UBR4: variants seen among roughly 807,000 people sequenced by gnomAD.
UBR4 encodes E3 ubiquitin-protein ligase UBR4.
Under a neutral mutation model 575.6 loss-of-function variants are expected in UBR4, and 124 were observed. The observed-to-expected ratio is 0.22, with a 90% CI of 0.19 to 0.25. The LOEUF (loss-of-function observed/expected upper bound fraction) is 0.25. Ranked by LOEUF, UBR4 falls within the 10% of genes least tolerant of loss-of-function variation. The pLI is 1.00. For missense variants in UBR4, 4,818 were observed against 6,478.8 expected, an observed-to-expected ratio of 0.74 and a Z score of 8.80; for synonymous variants, 2,455 against 2,473.7, an observed-to-expected ratio of 0.99 and a Z score of 0.22.
chr1:19,161,823 T>C lies in UBR4; in HGVS notation c.5027+4A>G. ...CTTCACCTTAAAGGAAGAACTACCCTTACCAATGCTGGTTCATGAATTCTT... is the reference window on the plus strand; with the variant it reads ...CTTCACCTTAAAGGAAGAACTACCCCTACCAATGCTGGTTCATGAATTCTT... On this transcript the variant is annotated splice_donor_region_variant and intron_variant, in intron 36 of 105. Coordinates refer to ENST00000375254, the MANE Select transcript of UBR4 (RefSeq NM_020765.3). 6.2e-7 allele frequency: 1 copy of C among 1,614,242 alleles called. No individual in the cohort carries two copies. Among genetic ancestry groups the C allele is most frequent in the Non-Finnish European group, 8.5e-7 (1 of 1,180,042 alleles).
chr1:19,207,767 AG>A (rs1378630562), intron 1 of UBR4, among the ~76,000 whole-genome samples: 1 of 152,084 alleles, frequency 6.6e-6, no homozygotes, highest in Admixed American at 6.5e-5. Flanking sequence ...TGTATGGCTA[AG>A]AGTGGTTGAA....
chr1:19,118,777 CT>C, intron 71 of UBR4, 94 bp downstream of exon 71: 1 of 1,293,968 alleles, frequency 7.7e-7, no homozygotes, highest in Non-Finnish European at 1.1e-6. Context: ...CTCTCAGGCG[CT>C]TGTCAATTCC....
At chr1:19,119,102 T>C in intron 70 of UBR4, 145 bp from the exon 71 acceptor site, 1 of 701,506 alleles carries the variant, frequency 1.4e-6, no homozygotes. Context: ...GGGCCTAATT[T>C]CAATCATTTA....
intron 15 of UBR4, among the ~76,000 whole-genome samples, chr1:19,184,540 C>T (rs2091338530): frequency 6.6e-6 from 1 of 152,152 alleles, no homozygotes; most frequent in Non-Finnish European, 1.5e-5. Context: ...ATGATTATTA[C>T]ACATATATAG....
chr1:19,112,289 T>C (rs2079984591), intron 78 of UBR4: 1 of 516,128 alleles, frequency 1.9e-6, no homozygotes, highest in African/African-American at 1.9e-5. Flanking sequence ...CAAGACACTG[T>C]ACTGGAACCA....
intron 94 of UBR4, among the ~76,000 whole-genome samples, chr1:19,094,430 G>A (rs1002553424): frequency 3.3e-4 from 50 of 152,280 alleles, no homozygotes; most frequent in African/African-American, 1.2e-3. Flanking sequence ...CTTGGTCATA[G>A]CTCTAGCCAA....
intron 53 of UBR4, 58 bp from the exon 54 acceptor site, chr1:19,144,965 G>C: frequency 6.2e-7 from 1 of 1,603,810 alleles, no homozygotes; most frequent in Non-Finnish European, 8.5e-7. Flanking sequence ...AACTACTTGA[G>C]AGTCTGAGAC....
At chr1:19,141,603 G>T (rs750069219) in intron 56 of UBR4, 44 bp downstream of exon 56, 1 of 1,608,980 alleles carries the variant, frequency 6.2e-7, no homozygotes, top group African/African-American at 1.3e-5. Context: ...CTAGAGGAGA[G>T]TTGTGAAGCT....
At position 19,169,481 on chromosome 1, in the gene UBR4, G is replaced by A; in HGVS notation, c.3695C>T (p.Ser1232Phe). The change falls in exon 27 of 106, where the codon TCC becomes TTC. Residue 1232 changes from serine to phenylalanine, a missense_variant. Physicochemically the swap from Ser to Phe is radical, Grantham distance 155. This residue lies in a region of UBR4 where 1,172 missense variants were observed against 1,259.7 expected (regional missense o/e 0.93). Transcript: ENST00000375254. ...LPSSVQTVCESWNNINTNEFP... is the reference protein window; with the variant it reads ...LPSSVQTVCEFWNNINTNEFP... ...TTCATTGGTATTGATGTTGTTCCAG[G>A]ACTCACACACAGTCTGCACTGACGA... 1 of 1,613,884 alleles carries A rather than the reference G, an allele frequency of 6.2e-7. No individual in the cohort carries two copies. The highest frequency in any genetic ancestry group is 1.1e-5 in the South Asian group (1 of 91,008).
chr1:19,165,226 G>T lies in UBR4; in HGVS notation c.4312+23C>A, dbSNP rs774798861. ...CCGGACATCAAAGTTCCCATAAGAA[G>T]ATTACTAAAAGCTGTCACTCACTCA... On this transcript the variant is annotated intron_variant, in intron 31 of 105. Transcript: ENST00000375254. 3 of 1,600,686 alleles carry T rather than the reference G, an allele frequency of 1.9e-6. No individual in the cohort carries two copies. The East Asian group carries it at 6.7e-5, about 36-fold the overall frequency.
rs181695843 is a variant in UBR4 at position 19,096,596 on chromosome 1, C to A, written c.13445G>T (p.Cys4482Phe). 1.2e-6 allele frequency: 2 copies of A among 1,613,884 alleles called. No individual in the cohort carries two copies. Among genetic ancestry groups the A allele is most frequent in the Admixed American group, 3.3e-5 (2 of 60,000 alleles). Residue 4482 changes from cysteine to phenylalanine, a missense_variant, in exon 92 of 106, where the codon TGT (cysteine) becomes TTT (phenylalanine). This residue lies in a region of UBR4 where 165 missense variants were observed against 282.3 expected (regional missense o/e 0.58). Coordinates refer to ENST00000375254, the MANE Select transcript of UBR4 (RefSeq NM_020765.3). ...GTTAAGCATGCATTCCAGGCCCCCA[C>A]ACTGGGCCATCACACCAGCCATTTT... ...VYKMAGVMAQ[C>F]GGLECMLNRL...
At chr1:19,138,226 T>C in intron 59 of UBR4, 45 bp from the exon 60 acceptor site, 5 of 1,456,834 alleles carry the variant, frequency 3.4e-6, no homozygotes, top group Non-Finnish European at 4.6e-6. Flanking sequence ...TCCCAAAGCA[T>C]GAAGGAACCC....
intron 60 of UBR4, among the ~76,000 whole-genome samples, chr1:19,130,627 T>A (rs907537398): frequency 6.6e-6 from 1 of 152,230 alleles, no homozygotes; most frequent in Admixed American, 6.5e-5. Context: ...ATACCACGCA[T>A]GTGTCTGTTA....
At chr1:19,127,490 G>A (rs1442942536) in intron 63 of UBR4, 133 bp downstream of exon 63, 5 of 717,196 alleles carry the variant, frequency 7.0e-6, no homozygotes, top group Non-Finnish European at 1.2e-5. Flanking sequence ...AAAGGTGACA[G>A]CTTAGAATCT....
In UBR4 at chr1:19,189,192, G is replaced by A. The variant is rs1043611272; in HGVS notation, c.1395-1652C>T. ...AAGACTAATGATGCCCATTGTCAAAGAGAGCATGGGGAAATGGGCATATAA... is the reference window on the plus strand; with the variant it reads ...AAGACTAATGATGCCCATTGTCAAAAAGAGCATGGGGAAATGGGCATATAA... On this transcript the variant is annotated intron_variant, in intron 11 of 105. Coordinates refer to ENST00000375254, the MANE Select transcript of UBR4 (RefSeq NM_020765.3). Among the ~76,000 whole-genome samples, 5 of 151,818 alleles carry A rather than the reference G, an allele frequency of 3.3e-5. No individual in the cohort carries two copies. In the East Asian group the frequency reaches 5.8e-4, roughly 18 times the overall value.
At chr1:19,118,809 T>C in intron 71 of UBR4, 63 bp downstream of exon 71, 2 of 1,542,264 alleles carry the variant, frequency 1.3e-6, no homozygotes, top group Non-Finnish European at 9.0e-7. Flanking sequence ...CCTATCACCA[T>C]GCAAATAACT....
chr1:19,151,434 C>G (rs575537280), intron 48 of UBR4: 93 of 636,670 alleles, frequency 1.5e-4, no homozygotes, highest in Non-Finnish European at 1.9e-4. Flanking sequence ...CAGTGCAGCC[C>G]TATCTTTACT....
At position 19,117,920 on chromosome 1, in the gene UBR4, A is replaced by G; in HGVS notation, c.10542-10T>C. The G allele has an allele frequency of 6.2e-7, 1 of 1,612,456 alleles. No homozygotes were observed. Among genetic ancestry groups the G allele is most frequent in the Non-Finnish European group, 8.5e-7 (1 of 1,178,442 alleles). ...TAAGCCAGACAAAGTGCTAAGGAAG[A>G]AACCAGTCTTAGCATGAACACATTT... On this transcript the variant is annotated splice_polypyrimidine_tract_variant and intron_variant, in intron 71 of 105. Coordinates refer to ENST00000375254, the MANE Select transcript of UBR4 (RefSeq NM_020765.3). The surrounding 1 kb of genome is among the most constrained non-coding windows in gnomAD (Gnocchi z 4.0).
chr1:19,103,339 C>T (rs1399443430), intron 87 of UBR4, among the ~76,000 whole-genome samples: 2 of 152,224 alleles, frequency 1.3e-5, no homozygotes, highest in East Asian at 1.9e-4. Flanking sequence ...CCGAGGCAGG[C>T]GGATCATCTG....
Sources: allele counts gnomAD v4.1 joint callset (sites outside exome capture counted in the v4.1 genomes callset), GRCh38; gene constraint gnomAD v4.1.1; regional missense constraint gnomAD v4.1.1; non-coding constraint Gnocchi (gnomAD v3.1); transcripts MANE v1.5; gene names NCBI Gene and HGNC (gene_info 2026-07-23, HGNC 2026-07-21).